Variants in FAM222B observed in about 807,000 individuals in gnomAD.
The protein encoded by FAM222B is family with sequence similarity 222 member B.
A neutral mutation model predicts 38.0 loss-of-function variants in FAM222B; 12 were observed. The observed-to-expected ratio is 0.32, with a 90% confidence interval of 0.20 to 0.51. FAM222B has a LOEUF of 0.51. Ranked by LOEUF, FAM222B falls within the 20% of genes least tolerant of loss-of-function variation. The pLI, the probability that FAM222B is intolerant of heterozygous loss-of-function variation, is 0.97. For synonymous variants in FAM222B, 329 were observed against 317.2 expected (o/e 1.04, Z -0.40); for missense variants, 716 against 754.2 (o/e 0.95, Z 0.59).
At chr17:28,769,595 C>G (rs762454986) in intron 1 of FAM222B, among the ~76,000 whole-genome samples, 3 of 152,218 alleles carry the variant, frequency 2.0e-5, no homozygotes, top group African/African-American at 4.8e-5. Flanking sequence ...CCGCGCCCGG[C>G]CAATTCTGTT....
chr17:28,843,325 C>CG (rs1350469387), upstream of FAM222B, among the ~76,000 whole-genome samples: 47 of 147,870 alleles, frequency 3.2e-4, no homozygotes, highest in Middle Eastern at 3.7e-3. Flanking sequence ...TTAGTAGAGA[C>CG]GGGGTTTTAT....
At chr17:28,830,427 T>C (rs1295707255) in intron 1 of FAM222B, among the ~76,000 whole-genome samples, 2 of 152,118 alleles carry the variant, frequency 1.3e-5, no homozygotes, top group African/African-American at 4.8e-5. Context: ...CCCAAAGTGC[T>C]GGGATTACAG....
chr17:28,789,603 G>C (rs990071432), intron 1 of FAM222B, among the ~76,000 whole-genome samples: 2 of 152,128 alleles, frequency 1.3e-5, no homozygotes, highest in Middle Eastern at 3.2e-3. Context: ...AGAAATGGAA[G>C]CTACCCAAAC....
At chr17:28,797,656 G>A (rs924507926) in intron 1 of FAM222B, among the ~76,000 whole-genome samples, 1 of 152,110 alleles carries the variant, frequency 6.6e-6, no homozygotes, top group Non-Finnish European at 1.5e-5. Context: ...TACATTTGTA[G>A]GGAGTTTTAC....
chr17:28,775,430 T>G (rs1250883388), intron 1 of FAM222B, among the ~76,000 whole-genome samples: 1 of 150,028 alleles, frequency 6.7e-6, no homozygotes, highest in Non-Finnish European at 1.5e-5. Flanking sequence ...AGTACTTCAT[T>G]AGTTCTCTTC....
rs11329881 is a variant in FAM222B at position 28,775,461 on chromosome 17, C to CA, written c.-40-8755dup. Among the ~76,000 whole-genome samples the CA allele has an allele frequency of 8.6e-3, 1,168 of 135,374 alleles. 13 individuals carry two copies. The highest frequency in any genetic ancestry group is 0.026 in the African/African-American group (969 of 36,624). The allele number at this position is 135,374 out of a possible 152,430, so 88.8% of individuals were successfully genotyped here. The stretch of plus-strand genomic sequence containing the variant: ...TCTTCTGCCTTCCTTTCACTGCCTT[C>CA]AAAAAAAAAAAAAAACACAGACAAA... On this transcript the variant is annotated intron_variant, in intron 1 of 2. Transcript: ENST00000581407.
chr17:28,832,464 A>C (rs572598940), intron 1 of FAM222B, among the ~76,000 whole-genome samples: 43 of 152,344 alleles, frequency 2.8e-4, no homozygotes, highest in African/African-American at 1.0e-3. Flanking sequence ...TTTACAAACA[A>C]TGGTCCCTCT....
intron 1 of FAM222B, among the ~76,000 whole-genome samples, chr17:28,774,609 C>A (rs1294668868): frequency 6.6e-6 from 1 of 152,132 alleles, no homozygotes; most frequent in Non-Finnish European, 1.5e-5. Flanking sequence ...CTCCCTGCCC[C>A]CGACCAGAAG....
rs75907178 is a variant in FAM222B at position 28,782,035 on chromosome 17, A to G, written c.-40-15328T>C. 8.1e-4 allele frequency among the ~76,000 whole-genome samples: 123 copies of G among 152,322 alleles called. 2 individuals carry two copies. In the East Asian group the frequency reaches 0.019, roughly 23 times the overall value. On this transcript the variant is annotated intron_variant, in intron 1 of 2. Transcript: ENST00000581407. The stretch of plus-strand genomic sequence containing the variant: ...ACAATGGCAGTCCCATAAGATCAAA[A>G]TATCGAGGGGCCAGGCATGCTGGCT...
chr17:28,797,770 T>C (rs2037011877), intron 1 of FAM222B, among the ~76,000 whole-genome samples: 1 of 152,122 alleles, frequency 6.6e-6, no homozygotes, highest in Non-Finnish European at 1.5e-5. Context: ...CATATAAAGA[T>C]ACTAGAAACT....
At chr17:28,834,201 TC>T (rs1465698725) in intron 1 of FAM222B, 1 of 152,200 alleles carries the variant, frequency 6.6e-6, no homozygotes, top group African/African-American at 2.4e-5. Context: ...CCAACTAGTC[TC>T]CCTACAATCA....
Position 28,759,021 on chromosome 17 carries a change from T to C in FAM222B, c.938A>G (p.His313Arg), listed in dbSNP as rs1269327661. The C allele has an allele frequency of 1.9e-6, 3 of 1,613,084 alleles. No individual in the cohort carries two copies. Among genetic ancestry groups the C allele is most frequent in the Non-Finnish European group, 1.7e-6 (2 of 1,179,550 alleles). ...LINASTRVSTHSVPTPMPSCV... is the reference protein window; with the variant it reads ...LINASTRVSTRSVPTPMPSCV... ...TGAAGGCATTGGTGTGGGGACGCTG[T>C]GGGTCGACACCCGGGTGCTTGCATT... The change falls in exon 3 of 3, where the codon CAC becomes CGC. Residue 313 changes from histidine (H) to arginine (R), a missense_variant. Physicochemically the swap from His to Arg is conservative, Grantham distance 29 (BLOSUM62 0). Coordinates refer to ENST00000581407, the MANE Select transcript of FAM222B (RefSeq NM_001077498.3). This position sits in a 1 kb window ranked among gnomAD's most constrained non-coding sequence, Gnocchi z 4.8.
chr17:28,820,896 C>T (rs2038190394), intron 1 of FAM222B, among the ~76,000 whole-genome samples: 1 of 151,840 alleles, frequency 6.6e-6, no homozygotes, highest in African/African-American at 2.4e-5. Context: ...CTGCCTCAGC[C>T]TCCAAAGTGC....
In FAM222B at chr17:28,827,164, C is replaced by T. The variant is rs891344023; in HGVS notation, c.-41+15518G>A. Among the ~76,000 whole-genome samples, 3 of 151,848 alleles carry T rather than the reference C, an allele frequency of 2.0e-5. 1 individual carries two copies. Among genetic ancestry groups the T allele is most frequent in the African/African-American group, 7.3e-5 (3 of 41,320 alleles). On this transcript the variant is annotated intron_variant, in intron 1 of 2. Coordinates refer to ENST00000581407, the MANE Select transcript of FAM222B (RefSeq NM_001077498.3). ...TGTCTCAAAAAAAGAAAAAAACAGC[C>T]TGGACAACATATTGAAACCCCATCT...
intron 1 of FAM222B, among the ~76,000 whole-genome samples, chr17:28,790,868 A>C (rs1199946039): frequency 1.2e-5 from 1 of 81,898 alleles, no homozygotes; most frequent in East Asian, 3.1e-4. Context: ...TGTTCTATAT[A>C]TTTCAAATTG....
chr17:28,811,854 T>A lies in FAM222B; in HGVS notation c.-41+30828A>T, dbSNP rs79114146. On this transcript the variant is annotated intron_variant, in intron 1 of 2. Coordinates refer to ENST00000581407, the MANE Select transcript of FAM222B (RefSeq NM_001077498.3). ...AGGAAAATGGTGAAGACAACCTTAA[T>A]GGACACGCATGGAGTACAGTTCCAA... 7.1e-3 allele frequency among the ~76,000 whole-genome samples: 1,088 copies of A among 152,302 alleles called. 7 individuals are homozygous for A. The highest frequency in any genetic ancestry group is 0.017 in the South Asian group (80 of 4,824).
intron 1 of FAM222B, among the ~76,000 whole-genome samples, chr17:28,780,207 T>TG (rs1186649840): frequency 6.6e-6 from 1 of 152,054 alleles, no homozygotes. Flanking sequence ...CCTGACCTCA[T>TG]GATCTATCCG....
intron 1 of FAM222B, among the ~76,000 whole-genome samples, chr17:28,788,808 A>G (rs567894153): frequency 1.3e-5 from 2 of 152,090 alleles, no homozygotes; most frequent in African/African-American, 4.8e-5. Flanking sequence ...GTGATGCAAT[A>G]TTGGCTTACT....
intron 1 of FAM222B, among the ~76,000 whole-genome samples, chr17:28,851,123 C>T (rs906411577): frequency 1.3e-5 from 2 of 150,644 alleles, no homozygotes; most frequent in African/African-American, 4.9e-5. Context: ...CATCTCAAAA[C>T]AAAACAAAAC....
Sources: gnomAD v4.1 joint callset for allele counts (sites outside exome capture counted in the v4.1 genomes callset) on GRCh38, gnomAD v4.1.1 for gene constraint, Gnocchi (gnomAD v3.1) non-coding constraint, MANE v1.5 for transcripts, NCBI Gene and HGNC (gene_info 2026-07-23, HGNC 2026-07-21) for gene names.